Variants in BRINP2 observed in about 807,000 individuals in gnomAD.
BRINP2 encodes BMP/retinoic acid-inducible neural-specific protein 2.
Under a neutral mutation model 69.2 loss-of-function variants are expected in BRINP2, and 21 were observed. The observed-to-expected ratio is 0.30, with a 90% CI of 0.22 to 0.44. The LOEUF (loss-of-function observed/expected upper bound fraction) is 0.44, where lower values mean the gene tolerates loss of function less well. Among genes scored for constraint, BRINP2 ranks in the 20% least tolerant of loss-of-function variants. The pLI, the probability that BRINP2 is intolerant of heterozygous loss-of-function variation, is 1.00. For synonymous variants in BRINP2, 380 were observed against 394.1 expected, an observed-to-expected ratio of 0.96 and a Z score of 0.42; for missense variants, 877 against 986.0, an observed-to-expected ratio of 0.89 and a Z score of 1.48.
At chr1:177,207,447 T>C (rs899206164) in intron 1 of BRINP2, among the ~76,000 whole-genome samples, 2 of 152,118 alleles carry the variant, frequency 1.3e-5, no homozygotes, top group Non-Finnish European at 2.9e-5. Context: ...AGGGCGGGCA[T>C]GTGGAAGTCC....
intron 1 of BRINP2, among the ~76,000 whole-genome samples, chr1:177,195,802 T>C (rs1648729216): frequency 6.6e-6 from 1 of 151,858 alleles, no homozygotes; most frequent in African/African-American, 2.4e-5. Flanking sequence ...GGGGCCCAAG[T>C]CATGGATGAA....
intron 6 of BRINP2, among the ~76,000 whole-genome samples, chr1:177,277,729 T>C (rs970795650): frequency 2.0e-5 from 3 of 151,946 alleles, no homozygotes; most frequent in Non-Finnish European, 2.9e-5. Context: ...TGGGTTATGG[T>C]CCATAACATG....
rs2102367091 is a variant in BRINP2 at position 177,281,237 on chromosome 1, C to T, written c.2061C>T (p.Gly687=). ...AAATTAACACCTTGCAGGTCTTTGG[C>T]TACAGCCTGCCCTTTGACCCAGATG... ...YMKINTLQVF[G]YSLPFDPDAI... The change falls in exon 8 of 8, where the codon GGC becomes GGT. Residue 687 remains glycine (G), a synonymous_variant. Transcript: ENST00000361539. 6.2e-7 allele frequency: 1 copy of T among 1,614,198 alleles called. No homozygotes were observed. Among genetic ancestry groups the T allele is most frequent in the South Asian group, 1.1e-5 (1 of 91,086 alleles).
intron 1 of BRINP2, among the ~76,000 whole-genome samples, chr1:177,209,082 G>A (rs537648): frequency 0.3 from 45,684 of 151,782 alleles, 7,038 homozygotes; most frequent in East Asian, 0.39. Flanking sequence ...GTTGTGTTCC[G>A]CTCAACAACA....
chr1:177,176,129 C>G (rs1648079959), intron 1 of BRINP2, among the ~76,000 whole-genome samples: 1 of 152,114 alleles, frequency 6.6e-6, no homozygotes, highest in South Asian at 2.1e-4. Flanking sequence ...AACAGCCAGT[C>G]CCATTATTCC....
At chr1:177,217,069 A>G (rs1421637438) in intron 1 of BRINP2, among the ~76,000 whole-genome samples, 1 of 151,650 alleles carries the variant, frequency 6.6e-6, no homozygotes, top group Non-Finnish European at 1.5e-5. Flanking sequence ...GTTTTCATCC[A>G]TTATTTCTTT....
rs990531863 is a variant in BRINP2 at position 177,243,127 on chromosome 1, GA to G, written c.270-12782del. 1.8e-3 allele frequency among the ~76,000 whole-genome samples: 253 copies of G among 143,242 alleles called. 2 individuals carry two copies. The highest frequency in any genetic ancestry group is 6.0e-3 in the African/African-American group (233 of 39,102). 94.0% of individuals were successfully genotyped at this position (143,242 alleles called of 152,430 possible). ...TGAGGGGTCGCCCATTAGTAAATAA[GA>G]AAAAAAAAAGAATGAGAAATCTAGA... On this transcript the variant is annotated intron_variant, in intron 2 of 7. Coordinates refer to ENST00000361539, the MANE Select transcript of BRINP2 (RefSeq NM_021165.4).
chr1:177,185,161 C>T (rs916449100), intron 1 of BRINP2, among the ~76,000 whole-genome samples: 12 of 151,920 alleles, frequency 7.9e-5, no homozygotes, highest in Non-Finnish European at 1.0e-4. Context: ...AAAGGTTCTG[C>T]GATTAGAAAA....
chr1:177,175,564 T>C (rs1285079625), intron 1 of BRINP2, among the ~76,000 whole-genome samples: 1 of 152,230 alleles, frequency 6.6e-6, no homozygotes, highest in Non-Finnish European at 1.5e-5. Flanking sequence ...ATGTTTTTCA[T>C]GCTGCAAGTC....
At chr1:177,193,900 A>G (rs1006706393) in intron 1 of BRINP2, among the ~76,000 whole-genome samples, 11 of 152,216 alleles carry the variant, frequency 7.2e-5, no homozygotes, top group African/African-American at 2.7e-4. Flanking sequence ...AGGAAACAAA[A>G]CTTCAGGGGA....
At position 177,246,181 on chromosome 1, in the gene BRINP2, C is replaced by G. The variant is rs553474068; in HGVS notation, c.270-9738C>G. On this transcript the variant is annotated intron_variant, in intron 2 of 7. Transcript: ENST00000361539. Reference sequence around the variant, plus strand: ...TAACCAAACAACTCCTGGACTGAAGCCTTCCTGCCTGGGGATCTCTCCCAG... The same window carrying G: ...TAACCAAACAACTCCTGGACTGAAGGCTTCCTGCCTGGGGATCTCTCCCAG... Among the ~76,000 whole-genome samples the G allele has an allele frequency of 3.9e-5, 6 of 152,274 alleles. No individual in the cohort carries two copies. In the East Asian group the frequency reaches 1.2e-3, roughly 29 times the overall value.
At chr1:177,250,102 G>A (rs1650533023) in intron 2 of BRINP2, among the ~76,000 whole-genome samples, 1 of 151,844 alleles carries the variant, frequency 6.6e-6, no homozygotes, top group Non-Finnish European at 1.5e-5. Context: ...TTGAGACAGG[G>A]GTCTTGCTAT....
intron 4 of BRINP2, among the ~76,000 whole-genome samples, chr1:177,258,982 T>C (rs1286517353): frequency 6.6e-6 from 1 of 152,104 alleles, no homozygotes; most frequent in Non-Finnish European, 1.5e-5. Flanking sequence ...GAGTCAGACA[T>C]CTCTCACTTG....
At chr1:177,236,472 G>T (rs1254075529) in intron 2 of BRINP2, among the ~76,000 whole-genome samples, 4 of 152,150 alleles carry the variant, frequency 2.6e-5, no homozygotes, top group African/African-American at 9.7e-5. Flanking sequence ...AACATATATA[G>T]AGACATAGTC....
intron 2 of BRINP2, among the ~76,000 whole-genome samples, chr1:177,244,998 A>G (rs1282112424): frequency 6.6e-6 from 1 of 152,178 alleles, no homozygotes; most frequent in Admixed American, 6.5e-5. Context: ...GATATTGCAA[A>G]GTAACATGTC....
At chr1:177,178,150 C>T (rs920979613) in intron 1 of BRINP2, among the ~76,000 whole-genome samples, 7 of 152,170 alleles carry the variant, frequency 4.6e-5, no homozygotes, top group Non-Finnish European at 8.8e-5. Context: ...TGATGCCAGG[C>T]TCTCACCCTT....
Position 177,256,087 on chromosome 1 carries a change from C to T in BRINP2, c.438C>T (p.Phe146=). 3 of 1,614,140 alleles carry T rather than the reference C, an allele frequency of 1.9e-6. No homozygotes were observed. The highest frequency in any genetic ancestry group is 2.5e-6 in the Non-Finnish European group (3 of 1,179,998). ...ENLIKKYGTH[F]LLSATLGGEE... is the part of the protein sequence containing the mutation. ...TGATTAAAAAGTACGGCACTCATTT[C>T]TTACTTTCTGCCACCCTTGGAGGTA... is the stretch of plus-strand genomic sequence containing the variant. Residue 146 remains phenylalanine (F), a synonymous_variant, in exon 3 of 8, where the codon TTC becomes TTT. Transcript: ENST00000361539.
chr1:177,273,250 T>G (rs1044768750), intron 4 of BRINP2, among the ~76,000 whole-genome samples: 3 of 152,194 alleles, frequency 2.0e-5, no homozygotes, highest in Non-Finnish European at 2.9e-5. Context: ...TTTAGCTCTC[T>G]CTGAAAGGCT....
intron 1 of BRINP2, among the ~76,000 whole-genome samples, chr1:177,221,310 T>TAG (rs1649525433): frequency 6.6e-6 from 1 of 152,196 alleles, no homozygotes; most frequent in African/African-American, 2.4e-5. Context: ...TAAACATAAT[T>TAG]AGAGGTGATT....
Sources: allele counts gnomAD v4.1 joint callset (sites outside exome capture counted in the v4.1 genomes callset), GRCh38; gene constraint gnomAD v4.1.1; transcripts MANE v1.5; gene names NCBI Gene and HGNC (gene_info 2026-07-23, HGNC 2026-07-21).